PLCE1: variants seen among roughly 807,000 people sequenced by gnomAD.
PLCE1 encodes 1-phosphatidylinositol 4,5-bisphosphate phosphodiesterase epsilon-1.
In PLCE1, 119 loss-of-function variants were observed where a neutral mutation model predicts 242.8. The observed-to-expected ratio is 0.49, with a 90% CI of 0.42 to 0.57. The LOEUF is 0.57. Ranked by LOEUF, PLCE1 falls within the 20% of genes least tolerant of loss-of-function variation. The pLI is 0.00. For missense variants in PLCE1, 2,441 were observed against 2,788.8 expected, an observed-to-expected ratio of 0.88 and a Z score of 2.81; for synonymous variants, 945 against 1,017.4, an observed-to-expected ratio of 0.93 and a Z score of 1.35.
At chr10:94,004,548 C>T (rs561264476) in intron 1 of PLCE1, among the ~76,000 whole-genome samples, 111 of 152,318 alleles carry the variant, frequency 7.3e-4, no homozygotes, top group African/African-American at 2.5e-3. Flanking sequence ...TTAGCTACTG[C>T]ATGGGTGTCT....
At chr10:94,238,608 T>C (rs1039668201) in intron 7 of PLCE1, among the ~76,000 whole-genome samples, 3 of 152,228 alleles carry the variant, frequency 2.0e-5, no homozygotes, top group Non-Finnish European at 4.4e-5. Context: ...ATAATGCTCA[T>C]TAATAATTAC....
chr10:94,097,381 G>T (rs1008922602), intron 2 of PLCE1, among the ~76,000 whole-genome samples: 1 of 152,092 alleles, frequency 6.6e-6, no homozygotes, highest in Non-Finnish European at 1.5e-5. Context: ...GGGAAAAAAT[G>T]ATTTTTTTCA....
intron 28 of PLCE1, chr10:94,315,515 T>TC: frequency 2.2e-6 from 1 of 455,994 alleles, no homozygotes; most frequent in Non-Finnish European, 4.4e-6. Flanking sequence ...ATGCCTGTAA[T>TC]CCCGGCACTT....
At chr10:94,146,285 G>A (rs1302089854) in intron 3 of PLCE1, among the ~76,000 whole-genome samples, 9 of 152,116 alleles carry the variant, frequency 5.9e-5, no homozygotes, top group Non-Finnish European at 2.9e-5. Context: ...TGAGACACTG[G>A]TTACAGTAAA....
intron 5 of PLCE1, among the ~76,000 whole-genome samples, chr10:94,231,815 G>C (rs578185350): frequency 1.3e-5 from 2 of 152,252 alleles, no homozygotes; most frequent in East Asian, 3.9e-4. Flanking sequence ...GGTTTGCGCT[G>C]CTATGAGAAT....
chr10:94,001,989 T>C (rs74151949), intron 1 of PLCE1, among the ~76,000 whole-genome samples: 2,657 of 152,318 alleles, frequency 0.017, 39 homozygotes, highest in African/African-American at 0.038. Flanking sequence ...TGGATTCACT[T>C]AGACCTAATT....
At chr10:94,164,716 A>G (rs1298819462) in intron 3 of PLCE1, among the ~76,000 whole-genome samples, 2 of 152,086 alleles carry the variant, frequency 1.3e-5, no homozygotes, top group Non-Finnish European at 2.9e-5. Flanking sequence ...GGCACTCTGA[A>G]TTTTAGAATT....
chr10:94,077,863 A>G (rs748078365), intron 2 of PLCE1, among the ~76,000 whole-genome samples: 1 of 152,260 alleles, frequency 6.6e-6, no homozygotes, highest in Admixed American at 6.5e-5. Flanking sequence ...AAGATACAAA[A>G]TTAAAATATC....
At chr10:94,055,171 A>T (rs948473460) in intron 2 of PLCE1, among the ~76,000 whole-genome samples, 1 of 151,918 alleles carries the variant, frequency 6.6e-6, no homozygotes, top group African/African-American at 2.4e-5. Context: ...AATAATGAAG[A>T]TAATAATTGG....
In PLCE1 at chr10:94,236,021, T is replaced by C; in HGVS notation, c.2321T>C (p.Ile774Thr). 2.0e-5 allele frequency: 33 copies of C among 1,614,082 alleles called. No individual in the cohort carries two copies. The highest frequency in any genetic ancestry group is 2.8e-5 in the Non-Finnish European group (33 of 1,179,976). The change falls in exon 7 of 33, where the codon ATC becomes ACC. Residue 774 changes from isoleucine (I) to threonine (T), a missense_variant. Around this residue, in one of 5 missense-constraint regions of PLCE1, gnomAD observed 733 missense variants for 754.2 expected, o/e 0.97. Coordinates refer to ENST00000371380, the MANE Select transcript of PLCE1 (RefSeq NM_016341.4). Reference protein sequence around the residue: ...ESTVNSIFQVIRSCNRSLETD... With the variant: ...ESTVNSIFQVTRSCNRSLETD... The stretch of plus-strand genomic sequence containing the variant: ...ACTGTCAACAGCATCTTTCAGGTCA[T>C]CCGGAGCTGCAATCGAAGTCTGGAG...
rs534577520 is a variant in PLCE1 at position 94,304,419 on chromosome 10, A to C, written c.5459-63A>C. On this transcript the variant is annotated intron_variant, in intron 24 of 32. Transcript: ENST00000371380. ...AAGTTCTTTTGAACTTTCAATTTAT[A>C]AGGTGATACTTAAGCGACAAAGTAA... The C allele has an allele frequency of 3.0e-5, 43 of 1,425,056 alleles. No individual in the cohort carries two copies. In the South Asian group the frequency reaches 4.6e-4, roughly 15 times the overall value. 88.3% of individuals were successfully genotyped at this position (1,425,056 alleles called of 1,614,324 possible).
At chr10:94,314,130 G>T (rs1322707380) in intron 28 of PLCE1, among the ~76,000 whole-genome samples, 1 of 152,216 alleles carries the variant, frequency 6.6e-6, no homozygotes, top group African/African-American at 2.4e-5. Context: ...ACTTCTAAGA[G>T]TGAGAGAGCC....
At chr10:94,311,116 T>C (rs547959323) in intron 27 of PLCE1, among the ~76,000 whole-genome samples, 4 of 152,200 alleles carry the variant, frequency 2.6e-5, no homozygotes, top group Non-Finnish European at 5.9e-5. Flanking sequence ...AGAGCTTCCA[T>C]GTCCTCTCCA....
At chr10:94,010,563 C>A (rs369833169) in intron 1 of PLCE1, among the ~76,000 whole-genome samples, 1 of 152,180 alleles carries the variant, frequency 6.6e-6, no homozygotes, top group African/African-American at 2.4e-5. Flanking sequence ...ACTCTGTTTC[C>A]CTTTTAAATA....
At chr10:94,321,654 C>A (rs1171920432) in intron 29 of PLCE1, among the ~76,000 whole-genome samples, 4 of 149,436 alleles carry the variant, frequency 2.7e-5, no homozygotes, top group Non-Finnish European at 5.9e-5. Flanking sequence ...AAACCCACAG[C>A]TAATAGGAGC....
At chr10:94,019,799 T>C (rs2061345883) in intron 1 of PLCE1, among the ~76,000 whole-genome samples, 1 of 152,358 alleles carries the variant, frequency 6.6e-6, no homozygotes, top group Middle Eastern at 3.4e-3. Flanking sequence ...GCTTCTTTCA[T>C]GCAATGTGGT....
In PLCE1 at chr10:94,287,730, T is replaced by C. The variant is rs147206950; in HGVS notation, c.5035+2765T>C. ...GTCCTGGGTTTTTTTCTCCTTCTAA[T>C]AGAAAAAAAAAAGGATATGGTATTT... On this transcript the variant is annotated intron_variant, in intron 22 of 32. Coordinates refer to ENST00000371380, the MANE Select transcript of PLCE1 (RefSeq NM_016341.4). Among the ~76,000 whole-genome samples the C allele has an allele frequency of 1.9e-3, 281 of 150,516 alleles. 5 individuals carry two copies. The East Asian group carries it at 0.051, about 27-fold the overall frequency.
chr10:94,285,706 G>A (rs529671231), intron 22 of PLCE1, among the ~76,000 whole-genome samples: 37 of 152,050 alleles, frequency 2.4e-4, no homozygotes, highest in Non-Finnish European at 4.6e-4. Flanking sequence ...AATCACTGTG[G>A]CCAGGAGATG....
chr10:94,187,331 A>G (rs1233650889), intron 4 of PLCE1, among the ~76,000 whole-genome samples: 2 of 152,096 alleles, frequency 1.3e-5, no homozygotes, highest in Non-Finnish European at 2.9e-5. Flanking sequence ...TCCCAACATG[A>G]TATGGGATGT....
Sources: allele counts gnomAD v4.1 joint callset (sites outside exome capture counted in the v4.1 genomes callset), GRCh38; gene constraint gnomAD v4.1.1; regional missense constraint gnomAD v4.1.1; transcripts MANE v1.5; gene names NCBI Gene and HGNC (gene_info 2026-07-23, HGNC 2026-07-21).